The following LIN28B variants were observed in gnomAD, a reference collection of about 807,000 sequenced individuals.
LIN28B encodes the protein protein lin-28 homolog B.
LIN28B carries 5 observed loss-of-function variants against 21.9 expected under a neutral mutation model. The observed-to-expected ratio is 0.23, with a 90% CI of 0.12 to 0.48. LIN28B has a LOEUF of 0.48. Ranked by LOEUF, LIN28B falls within the 20% of genes least tolerant of loss-of-function variation. The pLI is 0.98. For synonymous variants in LIN28B, 109 were observed against 111.3 expected (o/e 0.98, Z 0.13); for missense variants, 245 against 310.5 (o/e 0.79, Z 1.58).
intron 3 of LIN28B, among the ~76,000 whole-genome samples, chr6:105,039,231 A>G (rs983361423): frequency 6.6e-6 from 1 of 152,248 alleles, no homozygotes; most frequent in Admixed American, 6.5e-5. Flanking sequence ...GTACTGAATC[A>G]AGATTGAAAA....
intron 2 of LIN28B, among the ~76,000 whole-genome samples, chr6:104,942,359 T>A (rs1242441451): frequency 6.6e-6 from 1 of 152,120 alleles, no homozygotes; most frequent in Non-Finnish European, 1.5e-5. Flanking sequence ...TTTACTTAGA[T>A]AATGCAAAAG....
At chr6:104,989,978 A>G (rs773986913) in intron 2 of LIN28B, among the ~76,000 whole-genome samples, 1 of 152,070 alleles carries the variant, frequency 6.6e-6, no homozygotes, top group Non-Finnish European at 1.5e-5. Context: ...ATCGGAGACT[A>G]CTTTAACCAC....
At chr6:104,961,425 G>A (rs2114572777) in intron 2 of LIN28B, among the ~76,000 whole-genome samples, 2 of 151,784 alleles carry the variant, frequency 1.3e-5, no homozygotes, top group Non-Finnish European at 2.9e-5. Context: ...TTTTGAGGTG[G>A]AGTCTCACAC....
intron 2 of LIN28B, among the ~76,000 whole-genome samples, chr6:105,001,213 T>A (rs1770712915): frequency 6.6e-6 from 1 of 152,220 alleles, no homozygotes; most frequent in Non-Finnish European, 1.5e-5. Flanking sequence ...CTATGTATAT[T>A]TTTAAGCAAG....
intron 2 of LIN28B, among the ~76,000 whole-genome samples, chr6:105,020,583 T>C (rs949568250): frequency 3.3e-5 from 5 of 152,004 alleles, no homozygotes; most frequent in Admixed American, 2.0e-4. Context: ...CCTCCCAAAG[T>C]GCTGGGATTA....
chr6:105,009,992 A>G (rs940130795), intron 2 of LIN28B, among the ~76,000 whole-genome samples: 4 of 152,066 alleles, frequency 2.6e-5, no homozygotes, highest in Non-Finnish European at 5.9e-5. Context: ...CCATTTTCCA[A>G]TTACATGAAC....
intron 3 of LIN28B, among the ~76,000 whole-genome samples, chr6:105,063,772 C>G (rs536079451): frequency 2.2e-4 from 33 of 151,938 alleles, no homozygotes; most frequent in African/African-American, 7.5e-4. Context: ...TGAGGCTGCA[C>G]TGTGCTACAG....
At chr6:105,036,862 A>T (rs1346547834) in intron 3 of LIN28B, among the ~76,000 whole-genome samples, 4 of 152,106 alleles carry the variant, frequency 2.6e-5, no homozygotes, top group African/African-American at 7.2e-5. Flanking sequence ...TCATATATTT[A>T]TTGTATGATT....
Position 105,080,899 on chromosome 6 carries a change from T to C in LIN28B, c.*2116T>C, listed in dbSNP as rs1217077128. 1.3e-5 allele frequency: 2 copies of C among 152,684 alleles called. No homozygotes were observed. The highest frequency in any genetic ancestry group is 1.9e-4 in the East Asian group (1 of 5,176). The allele number at this position is 152,684 out of a possible 1,614,324, so 9.5% of individuals were successfully genotyped here. A position where few individuals can be genotyped will look rare whatever the true frequency, so the allele number is the denominator to read the frequency against. On this transcript the variant is annotated 3_prime_UTR_variant, in exon 4 of 4. Coordinates refer to ENST00000345080, the MANE Select transcript of LIN28B (RefSeq NM_001004317.4). ...AAATAGGAAATTATGGACTTCAAAA[T>C]TGGACACTTCCTGTTTACAAAAAGA...
intron 3 of LIN28B, among the ~76,000 whole-genome samples, chr6:105,043,701 C>G (rs1306810212): frequency 6.6e-6 from 1 of 151,762 alleles, no homozygotes; most frequent in Non-Finnish European, 1.5e-5. Flanking sequence ...CCTGCCTGAG[C>G]CACTTATGTA....
chr6:105,062,494 T>G (rs1024268534), intron 3 of LIN28B, among the ~76,000 whole-genome samples: 7 of 152,214 alleles, frequency 4.6e-5, no homozygotes, highest in African/African-American at 1.7e-4. Flanking sequence ...ACAAATAATT[T>G]AGAAATATAT....
upstream of LIN28B, among the ~76,000 whole-genome samples, chr6:104,953,677 G>A (rs568337703): frequency 6.6e-6 from 1 of 152,322 alleles, no homozygotes; most frequent in East Asian, 1.9e-4. Flanking sequence ...AGGAGGTGGA[G>A]GGAAAGCGCA....
chr6:105,048,852 T>C (rs221613), intron 3 of LIN28B, among the ~76,000 whole-genome samples: 121,445 of 152,106 alleles, frequency 0.8, 48,966 homozygotes, highest in Non-Finnish European at 0.86. Context: ...TCTGTGGGAT[T>C]GGTGGTGATA....
At chr6:104,940,387 GGA>G (rs200408621) in intron 2 of LIN28B, 6,303 of 155,512 alleles carry the variant, frequency 0.041, 151 homozygotes, top group African/African-American at 0.063. Flanking sequence ...CGCTGCGCGC[GGA>G]GAGCCGGGAG....
chr6:105,056,222 A>G (rs1772020270), intron 3 of LIN28B, among the ~76,000 whole-genome samples: 1 of 151,188 alleles, frequency 6.6e-6, no homozygotes, highest in African/African-American at 2.4e-5. Context: ...TTTTCCTTAA[A>G]TATGGGTCAC....
At chr6:105,048,980 T>C (rs1388072625) in intron 3 of LIN28B, among the ~76,000 whole-genome samples, 2 of 152,164 alleles carry the variant, frequency 1.3e-5, no homozygotes, top group African/African-American at 2.4e-5. Context: ...CCTGGATTCA[T>C]TGATGTTTTG....
At chr6:105,067,735 T>C (rs908414937) in intron 3 of LIN28B, among the ~76,000 whole-genome samples, 11 of 152,222 alleles carry the variant, frequency 7.2e-5, no homozygotes, top group Admixed American at 6.5e-4. Context: ...TAGAAAACTT[T>C]CATCAAATGA....
At chr6:105,066,515 C>A (rs1772223727) in intron 3 of LIN28B, among the ~76,000 whole-genome samples, 1 of 152,124 alleles carries the variant, frequency 6.6e-6, no homozygotes, top group Non-Finnish European at 1.5e-5. Context: ...AAAATTGATT[C>A]TTGACTTCTA....
chr6:105,023,289 A>C (rs1212965752), intron 2 of LIN28B, among the ~76,000 whole-genome samples: 1 of 30,672 alleles, frequency 3.3e-5, no homozygotes, highest in South Asian at 1.3e-3. Context: ...TATATAAATA[A>C]TATATATATT....
Sources: gnomAD v4.1 joint callset for allele counts (sites outside exome capture counted in the v4.1 genomes callset) on GRCh38, gnomAD v4.1.1 for gene constraint, MANE v1.5 for transcripts, NCBI Gene and HGNC (gene_info 2026-07-23, HGNC 2026-07-21) for gene names.